The following TIAM2 variants were observed in gnomAD, a reference collection of about 807,000 sequenced individuals.
The protein encoded by TIAM2 is TIAM Rac1 associated GEF 2.
TIAM2 carries 80 observed loss-of-function variants against 152.9 expected under a neutral mutation model. The ratio of observed to expected loss-of-function variants is 0.52; its 90% confidence interval spans 0.44 to 0.63. TIAM2 has a LOEUF of 0.63. Ranked by LOEUF, TIAM2 falls within the 30% of genes least tolerant of loss-of-function variation. The pLI is 0.00. For missense variants in TIAM2, 1,965 were observed against 2,120.1 expected, an observed-to-expected ratio of 0.93 and a Z score of 1.44; for synonymous variants, 804 against 838.0, an observed-to-expected ratio of 0.96 and a Z score of 0.70.
chr6:155,051,023 T>C (rs1029022775), intron 1 of TIAM2, among the ~76,000 whole-genome samples: 1 of 152,134 alleles, frequency 6.6e-6, no homozygotes, highest in African/African-American at 2.4e-5. Flanking sequence ...ATTAAAGTGT[T>C]TGACACAGAG....
At chr6:155,249,372 C>T (rs544660051) in intron 20 of TIAM2, among the ~76,000 whole-genome samples, 4 of 152,300 alleles carry the variant, frequency 2.6e-5, no homozygotes, top group African/African-American at 7.2e-5. Flanking sequence ...AAGCCAAACT[C>T]GAGAGCTGGT....
At chr6:155,131,454 A>T (rs1032775358) in intron 4 of TIAM2, among the ~76,000 whole-genome samples, 1 of 151,268 alleles carries the variant, frequency 6.6e-6, no homozygotes, top group African/African-American at 2.4e-5. Context: ...AACAGTTGAG[A>T]TTGTCATTAT....
rs1284006056 is a variant in TIAM2 at position 155,137,296 on chromosome 6, C to T, written c.1314C>T (p.Ile438=). 1.2e-6 allele frequency: 2 copies of T among 1,614,098 alleles called. No individual in the cohort carries two copies. The highest frequency in any genetic ancestry group is 1.3e-5 in the African/African-American group (1 of 74,934). Residue 438 remains isoleucine (I), a synonymous_variant, in exon 5 of 27, where the codon ATC becomes ATT. Transcript: ENST00000682666. ...AFLWSGGSTQ[I]LSQRSESTHA... is the part of the protein sequence containing the mutation. The stretch of plus-strand genomic sequence containing the variant: ...TGTGGTCAGGGGGCTCTACTCAGAT[C>T]CTGTCTCAGAGAAGTGAATCCACAC...
chr6:155,051,788 G>T (rs1777324418), intron 1 of TIAM2, among the ~76,000 whole-genome samples: 1 of 152,040 alleles, frequency 6.6e-6, no homozygotes, highest in African/African-American at 2.4e-5. Flanking sequence ...GGGATTACAG[G>T]CGCACACTAC....
chr6:155,007,833 C>T (rs1378089491), intron 1 of TIAM2, among the ~76,000 whole-genome samples: 5 of 152,146 alleles, frequency 3.3e-5, no homozygotes, highest in Non-Finnish European at 5.9e-5. Flanking sequence ...AAATTGAGCC[C>T]GTCGGATGGT....
Position 155,148,336 on chromosome 6 carries a change from T to C in TIAM2, c.2028+2T>C. 1 of 1,610,354 alleles carries C rather than the reference T, an allele frequency of 6.2e-7. No homozygotes were observed. The highest frequency in any genetic ancestry group is 1.1e-5 in the South Asian group (1 of 90,592). ...AACAGGAAAGCCATAGAGAACCAGG[T>C]ACTGTTTGTCTACACCTGAGTTTTC... On this transcript the variant is annotated splice_donor_variant, in intron 7 of 26. Transcript: ENST00000682666. LOFTEE classifies it high-confidence loss of function.
At chr6:155,020,821 C>T (rs1776463873) in intron 1 of TIAM2, among the ~76,000 whole-genome samples, 1 of 152,104 alleles carries the variant, frequency 6.6e-6, no homozygotes, top group African/African-American at 2.4e-5. Context: ...CAGCCCTCAC[C>T]ACTATCCATC....
At chr6:155,070,238 T>TTTTTTTTTTG (rs58867002) in intron 1 of TIAM2, among the ~76,000 whole-genome samples, 1 of 83,696 alleles carries the variant, frequency 1.2e-5, no homozygotes, top group African/African-American at 4.4e-5. Flanking sequence ...TTTTTTTTTT[T>TTTTTTTTTTG]GAGATGGAGT....
intron 4 of TIAM2, among the ~76,000 whole-genome samples, chr6:155,135,848 A>G (rs1779542504): frequency 6.6e-6 from 1 of 152,230 alleles, no homozygotes; most frequent in Admixed American, 6.5e-5. Flanking sequence ...GTGAATGAAT[A>G]AATGGGTATA....
At chr6:155,048,007 C>G (rs1435697583) in intron 1 of TIAM2, among the ~76,000 whole-genome samples, 1 of 151,990 alleles carries the variant, frequency 6.6e-6, no homozygotes, top group African/African-American at 2.4e-5. Context: ...GGCTGGAGTG[C>G]AGTGGCGCGA....
intron 1 of TIAM2, among the ~76,000 whole-genome samples, chr6:155,077,596 G>A (rs1355185846): frequency 2.6e-5 from 4 of 152,186 alleles, no homozygotes; most frequent in Non-Finnish European, 5.9e-5. Context: ...TGCTGCTTAC[G>A]ATGGAAGAAA....
rs1780128135 is a variant in TIAM2 at position 155,156,762 on chromosome 6, A to C, written c.2029-7653A>C. ...TCTCCCCACCTTGACCTTTATCTGC[A>C]ACTCCCTGAGCCCACCCTTCTGCTC... is the stretch of plus-strand genomic sequence containing the variant. On this transcript the variant is annotated intron_variant, in intron 7 of 26. Transcript: ENST00000682666. The surrounding 1 kb of genome is among the most constrained non-coding windows in gnomAD (Gnocchi z 4.4). Among the ~76,000 whole-genome samples the C allele has an allele frequency of 6.6e-6, 1 of 152,214 alleles. No individual in the cohort carries two copies. Among genetic ancestry groups the C allele is most frequent in the Non-Finnish European group, 1.5e-5 (1 of 68,032 alleles).
At chr6:155,088,308 C>T (rs377287728) in intron 1 of TIAM2, among the ~76,000 whole-genome samples, 2 of 151,958 alleles carry the variant, frequency 1.3e-5, no homozygotes, top group African/African-American at 2.4e-5. Flanking sequence ...CTCGAACTCA[C>T]GACCTCAGGT....
At chr6:155,132,706 C>T (rs1779474773) in intron 4 of TIAM2, among the ~76,000 whole-genome samples, 1 of 152,218 alleles carries the variant, frequency 6.6e-6, no homozygotes, top group Non-Finnish European at 1.5e-5. Flanking sequence ...CTTTTTGATT[C>T]AAGTGTTATG....
At position 155,127,472 on chromosome 6, in the gene TIAM2, T is replaced by C. The variant is rs925519843; in HGVS notation, c.-117-18T>C. 5 of 433,954 alleles carry C rather than the reference T, an allele frequency of 1.2e-5. No homozygotes were observed. The highest frequency in any genetic ancestry group is 8.2e-5 in the African/African-American group (4 of 49,036). The allele number at this position is 433,954 out of a possible 1,614,324, so 26.9% of individuals were successfully genotyped here. A position where few individuals can be genotyped will look rare whatever the true frequency, so the allele number is the denominator to read the frequency against. On this transcript the variant is annotated intron_variant, in intron 2 of 26. Transcript: ENST00000682666. ...AGTAAAACGCTTCACAGAGTTTTCT[T>C]GCGTTTCTGTTTTTCAGGCTCACTT...
At chr6:155,079,150 C>T (rs1778012243) in intron 1 of TIAM2, among the ~76,000 whole-genome samples, 1 of 152,052 alleles carries the variant, frequency 6.6e-6, no homozygotes. Context: ...CAACCTCTGC[C>T]TCCTGGGTTC....
rs377260703 is a variant in TIAM2 at position 155,252,961 on chromosome 6, G to A, written c.4133G>A (p.Arg1378Gln). Residue 1378 changes from arginine (R) to glutamine (Q), a missense_variant, in exon 24 of 27, where the codon CGG becomes CAG. By Grantham distance (43) the Arg-to-Gln change is conservative. Coordinates refer to ENST00000682666, the MANE Select transcript of TIAM2 (RefSeq NM_012454.4). The part of the protein sequence containing the change: ...KLKKKLPSNS[R>Q]PAHNSTDLDP... Reference sequence around the variant, plus strand: ...TTCATGTTACAGCCCTCGAATTCCCGGCCTGCACACAACTCTACTGACTTG... The same window carrying A: ...TTCATGTTACAGCCCTCGAATTCCCAGCCTGCACACAACTCTACTGACTTG... The A allele has an allele frequency of 3.7e-5, 59 of 1,613,946 alleles. No individual in the cohort carries two copies. The African/African-American group carries it at 4.1e-4, about 11-fold the overall frequency.
At chr6:155,212,123 G>GTTCATTCAA (rs1257391152) in intron 15 of TIAM2, among the ~76,000 whole-genome samples, 1 of 152,176 alleles carries the variant, frequency 6.6e-6, no homozygotes, top group Non-Finnish European at 1.5e-5. Context: ...TCTGTTGATA[G>GTTCATTCAA]ACACTTGGAT....
chr6:155,100,024 G>A (rs954939914), intron 2 of TIAM2, among the ~76,000 whole-genome samples: 10 of 148,512 alleles, frequency 6.7e-5, no homozygotes, highest in South Asian at 6.4e-4. Flanking sequence ...TCATAATCAC[G>A]TGGAACCACC....
Sources: gnomAD v4.1 joint callset for allele counts (sites outside exome capture counted in the v4.1 genomes callset) on GRCh38, gnomAD v4.1.1 for gene constraint, Gnocchi (gnomAD v3.1) non-coding constraint, MANE v1.5 for transcripts, NCBI Gene and HGNC (gene_info 2026-07-23, HGNC 2026-07-21) for gene names.